The following CDH12 variants were observed in gnomAD, a reference collection of about 807,000 sequenced individuals.
CDH12 encodes cadherin-12.
CDH12 carries 41 observed loss-of-function variants against 74.1 expected under a neutral mutation model. That is an observed-to-expected ratio of 0.55 (90% confidence interval 0.43 to 0.72). The LOEUF is 0.72. Among genes scored for constraint, CDH12 ranks in the 30% least tolerant of loss-of-function variants. The probability of loss-of-function intolerance (pLI) is 0.00; values close to 1 mark genes in which losing one functional copy is unlikely to be tolerated. For missense variants in CDH12, 945 were observed against 977.2 expected (o/e 0.97, Z 0.44); for synonymous variants, 399 against 355.0 (o/e 1.12, Z -1.39).
At chr5:21,864,549 T>C (rs1410271897) in intron 6 of CDH12, among the ~76,000 whole-genome samples, 1 of 152,158 alleles carries the variant, frequency 6.6e-6, no homozygotes, top group East Asian at 1.9e-4. Context: ...GAACTATAGG[T>C]CAAATGAATT....
chr5:22,287,636 T>A (rs1268421173), intron 3 of CDH12, among the ~76,000 whole-genome samples: 1 of 147,002 alleles, frequency 6.8e-6, no homozygotes, highest in Non-Finnish European at 1.5e-5. Flanking sequence ...GGCAGGAGAA[T>A]GGCGTGAACC....
chr5:22,315,116 T>C (rs1300451536), intron 3 of CDH12, among the ~76,000 whole-genome samples: 1 of 96,450 alleles, frequency 1.0e-5, no homozygotes, highest in African/African-American at 3.8e-5. Context: ...CGTGCCTGCC[T>C]GGCTTTTTTT....
At chr5:22,021,443 G>A (rs77795322) in intron 5 of CDH12, among the ~76,000 whole-genome samples, 4,699 of 152,224 alleles carry the variant, frequency 0.031, 99 homozygotes, top group Non-Finnish European at 0.05. Context: ...GGAAAGTACC[G>A]AGGCATCAAG....
chr5:22,763,809 C>G (rs1027897895), intron 1 of CDH12, among the ~76,000 whole-genome samples: 6 of 151,728 alleles, frequency 4.0e-5, no homozygotes, highest in African/African-American at 1.5e-4. Context: ...CATTTATTCA[C>G]CAAATGAAAT....
rs1356896979 is a variant in CDH12 at position 21,788,235 on chromosome 5, G to A, written c.1257-4741C>T. Among the ~76,000 whole-genome samples, 3 of 152,242 alleles carry A rather than the reference G, an allele frequency of 2.0e-5. No homozygotes were observed. The East Asian group carries it at 5.8e-4, about 29-fold the overall frequency. On this transcript the variant is annotated intron_variant, in intron 10 of 14. Coordinates refer to ENST00000382254, the MANE Select transcript of CDH12 (RefSeq NM_004061.5). ...AAACACATTGAATGTAAAACCTAGT[G>A]CTTCAGGCAATCCTTCCTGCACATG...
intron 10 of CDH12, among the ~76,000 whole-genome samples, chr5:21,799,896 C>G (rs1244375573): frequency 2.0e-5 from 3 of 152,218 alleles, no homozygotes; most frequent in Non-Finnish European, 4.4e-5. Flanking sequence ...TGGGTGGTGT[C>G]CCTCCGAGTG....
intron 2 of CDH12, among the ~76,000 whole-genome samples, chr5:22,421,857 C>T (rs573442659): frequency 6.6e-6 from 1 of 152,244 alleles, no homozygotes; most frequent in Admixed American, 6.5e-5. Flanking sequence ...CTGTTGTTTA[C>T]TGACTTTTTA....
intron 3 of CDH12, among the ~76,000 whole-genome samples, chr5:22,303,613 G>A (rs1221672309): frequency 6.6e-6 from 1 of 152,000 alleles, no homozygotes; most frequent in East Asian, 1.9e-4. Flanking sequence ...GCCAATGTTA[G>A]TTCATTTAAG....
chr5:21,792,409 GA>G (rs1355001123), intron 10 of CDH12, among the ~76,000 whole-genome samples: 1 of 151,676 alleles, frequency 6.6e-6, no homozygotes, highest in Non-Finnish European at 1.5e-5. Flanking sequence ...TGTTTGATGA[GA>G]AACTATTTAC....
intron 4 of CDH12, among the ~76,000 whole-genome samples, chr5:22,116,029 A>G (rs1024211297): frequency 6.6e-6 from 1 of 152,172 alleles, no homozygotes; most frequent in African/African-American, 2.4e-5. Context: ...ATATTCATGA[A>G]CATGTTACAT....
At chr5:22,096,329 C>G (rs185952466) in intron 4 of CDH12, among the ~76,000 whole-genome samples, 1 of 152,076 alleles carries the variant, frequency 6.6e-6, no homozygotes, top group Non-Finnish European at 1.5e-5. Context: ...TGCCTGATGT[C>G]CAGGCATTCT....
At chr5:22,087,258 GA>G (rs1370893990) in intron 4 of CDH12, among the ~76,000 whole-genome samples, 1 of 152,166 alleles carries the variant, frequency 6.6e-6, no homozygotes, top group Admixed American at 6.6e-5. Context: ...CAGAAGAGGG[GA>G]AACTGGGACT....
At chr5:22,317,356 T>G (rs193097670) in intron 3 of CDH12, among the ~76,000 whole-genome samples, 1 of 152,194 alleles carries the variant, frequency 6.6e-6, no homozygotes, top group African/African-American at 2.4e-5. Context: ...AATATTTTAT[T>G]ACAGATATTA....
intron 6 of CDH12, among the ~76,000 whole-genome samples, chr5:21,944,310 T>C (rs1286995695): frequency 6.6e-6 from 1 of 152,172 alleles, no homozygotes; most frequent in Non-Finnish European, 1.5e-5. Flanking sequence ...TCAATTAAAC[T>C]TTGATTAAAC....
intron 1 of CDH12, among the ~76,000 whole-genome samples, chr5:22,664,206 A>C (rs1488615449): frequency 6.6e-6 from 1 of 152,216 alleles, no homozygotes; most frequent in East Asian, 1.9e-4. Flanking sequence ...TATTAATAAC[A>C]GAGATAGCAA....
rs1395821427 is a variant in CDH12, at chr5:21,898,484, G to C, written c.527-43694C>G. The stretch of plus-strand genomic sequence containing the variant: ...TTGGGAGGCTGAGGCGGGCGGATCA[G>C]GAGGTCAGGAGATCGAGACCATCCT... On this transcript the variant is annotated intron_variant, in intron 6 of 14. Transcript: ENST00000382254. 3.3e-5 allele frequency among the ~76,000 whole-genome samples: 5 copies of C among 151,890 alleles called. No individual in the cohort carries two copies. In the East Asian group the frequency reaches 5.8e-4, roughly 18 times the overall value.
At chr5:22,587,504 A>G (rs973872296) in intron 1 of CDH12, among the ~76,000 whole-genome samples, 6 of 152,172 alleles carry the variant, frequency 3.9e-5, no homozygotes, top group Non-Finnish European at 5.9e-5. Context: ...ACTCGGATGA[A>G]GGCCAACCCT....
In CDH12 at chr5:22,465,549, G is replaced by A. The variant is rs993159281; in HGVS notation, c.-428+39721C>T. The stretch of plus-strand genomic sequence containing the variant: ...TAGTCCTAGCTACTTGGGAGGCTAA[G>A]GTAGGAGGATTGCTTGAGCCGAGGA... On this transcript the variant is annotated intron_variant, in intron 2 of 14. Transcript: ENST00000382254. Among the ~76,000 whole-genome samples the A allele has an allele frequency of 2.0e-5, 3 of 152,142 alleles. No individual in the cohort carries two copies. The East Asian group carries it at 5.8e-4, about 29-fold the overall frequency.
chr5:22,227,228 T>G (rs1445493154), intron 3 of CDH12, among the ~76,000 whole-genome samples: 3 of 152,192 alleles, frequency 2.0e-5, no homozygotes, highest in African/African-American at 7.2e-5. Flanking sequence ...CTCTTCAATT[T>G]GTATTAATCC....
Sources: gnomAD v4.1 joint callset for allele counts (sites outside exome capture counted in the v4.1 genomes callset) on GRCh38, gnomAD v4.1.1 for gene constraint, MANE v1.5 for transcripts, NCBI Gene and HGNC (gene_info 2026-07-23, HGNC 2026-07-21) for gene names.